RGS22: variants seen among roughly 807,000 people sequenced by gnomAD.
RGS22 encodes the protein regulator of G protein signaling 22, also known as regulator of G-protein signaling 22.
Under a neutral mutation model 172.9 loss-of-function variants are expected in RGS22, and 148 were observed. The observed-to-expected ratio is 0.86, with a 90% confidence interval of 0.75 to 0.98. The LOEUF is 0.98. Ranked by LOEUF, RGS22 falls within the 50% of genes least tolerant of loss-of-function variation. RGS22 has a pLI of 0.00. For synonymous variants in RGS22, 458 were observed against 480.2 expected (o/e 0.95, Z 0.60); for missense variants, 1,347 against 1,440.8 (o/e 0.93, Z 1.05).
intron 22 of RGS22, among the ~76,000 whole-genome samples, chr8:99,979,065 A>G (rs1812270247): frequency 6.6e-6 from 1 of 152,200 alleles, no homozygotes; most frequent in Non-Finnish European, 1.5e-5. Context: ...TGGGAGTGTA[A>G]ATGTAAAATC....
chr8:100,018,705 C>G (rs558445219), intron 14 of RGS22, among the ~76,000 whole-genome samples: 1 of 152,138 alleles, frequency 6.6e-6, no homozygotes, highest in Non-Finnish European at 1.5e-5. Context: ...ATTTAAAATA[C>G]GACATTTCCC....
At position 100,051,601 on chromosome 8, in the gene RGS22, ATTTATATATGTT is replaced by A. The variant is rs1563669770; in HGVS notation, c.1689+1189_1689+1200del. ...TATGTTTATACATATATAAATATAT[ATTTATATATGTT>A]TATACATATATAAATATATATTTAT... is the stretch of plus-strand genomic sequence containing the variant. On this transcript the variant is annotated intron_variant, in intron 10 of 27. Coordinates refer to ENST00000360863, the MANE Select transcript of RGS22 (RefSeq NM_015668.5). Among the ~76,000 whole-genome samples, 271 of 56,218 alleles carry A rather than the reference ATTTATATATGTT, an allele frequency of 4.8e-3. 132 individuals carry two copies. Among genetic ancestry groups the A allele is most frequent in the Non-Finnish European group, 7.3e-3 (243 of 33,516 alleles). The allele number at this position is 56,218 out of a possible 152,430, so 36.9% of individuals were successfully genotyped here.
chr8:100,006,330 T>A (rs984981894), intron 15 of RGS22, among the ~76,000 whole-genome samples: 3 of 152,182 alleles, frequency 2.0e-5, no homozygotes, highest in African/African-American at 7.2e-5. Context: ...CCACCAAAGA[T>A]CATTCCTCCT....
chr8:100,052,889 T>C lies in RGS22; in HGVS notation c.1602A>G (p.Pro534=). The C allele has an allele frequency of 6.2e-7, 1 of 1,614,138 alleles. No individual in the cohort carries two copies. Among genetic ancestry groups the C allele is most frequent in the East Asian group, 2.2e-5 (1 of 44,858 alleles). Residue 534 remains proline (P), a synonymous_variant, in exon 10 of 28, where the codon CCA becomes CCG. Coordinates refer to ENST00000360863, the MANE Select transcript of RGS22 (RefSeq NM_015668.5). ...GTGGAAAAGGGTCAATATCCTTCCT[T>C]GGTTTTGCTTGACGGAGGTGCCAGA... The part of the protein sequence containing the change: ...LKFWHLRQAK[P]RKDIDPFPQM...
chr8:100,048,194 A>G (rs1178226819), intron 10 of RGS22, among the ~76,000 whole-genome samples: 4 of 152,210 alleles, frequency 2.6e-5, no homozygotes, highest in Non-Finnish European at 5.9e-5. Context: ...AAATGTCCAA[A>G]TGGAGAATGG....
chr8:100,100,210 A>C (rs1393310176), intron 2 of RGS22, among the ~76,000 whole-genome samples: 1 of 151,832 alleles, frequency 6.6e-6, no homozygotes, highest in Non-Finnish European at 1.5e-5. Context: ...TCAACTCTAG[A>C]TTTCTTACAA....
intron 7 of RGS22, among the ~76,000 whole-genome samples, chr8:100,064,938 G>A (rs1810433352): frequency 6.6e-6 from 1 of 152,036 alleles, no homozygotes; most frequent in Non-Finnish European, 1.5e-5. Context: ...TACTTATGAA[G>A]GTTTACAAAG....
intron 10 of RGS22, among the ~76,000 whole-genome samples, chr8:100,050,245 T>A (rs919913042): frequency 3.9e-5 from 6 of 152,150 alleles, no homozygotes; most frequent in African/African-American, 1.4e-4. Flanking sequence ...CCTGAGAATC[T>A]TAATAAGTTG....
At chr8:100,103,173 C>A (rs914509969) in intron 2 of RGS22, among the ~76,000 whole-genome samples, 9 of 152,166 alleles carry the variant, frequency 5.9e-5, no homozygotes, top group African/African-American at 2.2e-4. Context: ...GTAGACAGAG[C>A]AAAGGAATAG....
At chr8:99,980,641 G>A (rs938349551) in intron 22 of RGS22, among the ~76,000 whole-genome samples, 2 of 152,118 alleles carry the variant, frequency 1.3e-5, no homozygotes, top group African/African-American at 2.4e-5. Context: ...ATGCTCTAAC[G>A]TCCATATTTA....
At chr8:100,080,416 A>C in intron 3 of RGS22, 61 bp from the exon 4 acceptor site, 2 of 1,242,696 alleles carry the variant, frequency 1.6e-6, no homozygotes, top group South Asian at 1.4e-5. Context: ...ATGGTCTCTA[A>C]GAAGACTTGT....
chr8:100,052,872 G>A lies in RGS22; in HGVS notation c.1619C>T (p.Pro540Leu). The change falls in exon 10 of 28, where the codon CCT becomes CTT. Residue 540 changes from proline to leucine, a missense_variant. Pro to Leu is a moderately conservative substitution (Grantham distance 98). Coordinates refer to ENST00000360863, the MANE Select transcript of RGS22 (RefSeq NM_015668.5). Reference protein sequence around the residue: ...RQAKPRKDIDPFPQMATLLPL... With the variant: ...RQAKPRKDIDLFPQMATLLPL... ...CAAGAGGGTTGCCATTTGTGGAAAA[G>A]GGTCAATATCCTTCCTTGGTTTTGC... is the stretch of plus-strand genomic sequence containing the variant. 6.2e-7 allele frequency: 1 copy of A among 1,614,066 alleles called. No homozygotes were observed. The highest frequency in any genetic ancestry group is 8.5e-7 in the Non-Finnish European group (1 of 1,179,986).
At chr8:100,079,932 T>C (rs1183346634) in intron 4 of RGS22, among the ~76,000 whole-genome samples, 1 of 152,192 alleles carries the variant, frequency 6.6e-6, no homozygotes, top group Non-Finnish European at 1.5e-5. Flanking sequence ...ATTATATGAA[T>C]CTTCTCAAAT....
Position 100,100,928 on chromosome 8 carries a change from G to A in RGS22, c.54+4446C>T, listed in dbSNP as rs143737993. 3.6e-3 allele frequency among the ~76,000 whole-genome samples: 547 copies of A among 152,078 alleles called. 5 individuals are homozygous for A. The highest frequency in any genetic ancestry group is 0.013 in the African/African-American group (523 of 41,494). On this transcript the variant is annotated intron_variant, in intron 2 of 27. Coordinates refer to ENST00000360863, the MANE Select transcript of RGS22 (RefSeq NM_015668.5). ...AAACAGCTTTTAATCCAGTTTTAAC[G>A]TTAATAAAACTGTGGGTTTTCTAAA...
At chr8:100,027,923 T>C (rs940882107) in intron 14 of RGS22, among the ~76,000 whole-genome samples, 3 of 152,210 alleles carry the variant, frequency 2.0e-5, no homozygotes, top group African/African-American at 4.8e-5. Flanking sequence ...GTTTATTCCA[T>C]TGAGTGCTCT....
Position 100,028,485 on chromosome 8 carries a change from C to T in RGS22, c.2166+10446G>A, listed in dbSNP as rs558694511. Among the ~76,000 whole-genome samples, 3 of 150,892 alleles carry T rather than the reference C, an allele frequency of 2.0e-5. No individual in the cohort carries two copies. In the East Asian group the frequency reaches 5.8e-4, roughly 29 times the overall value. ...AAAAAAAAAAAAGGAAAAAAAAAGC[C>T]TTGCTTCTATTGGCCTAGCCTCTTT... is the stretch of plus-strand genomic sequence containing the variant. On this transcript the variant is annotated intron_variant, in intron 14 of 27. Transcript: ENST00000360863.
chr8:100,027,855 T>A (rs1818350826), intron 14 of RGS22, among the ~76,000 whole-genome samples: 1 of 152,164 alleles, frequency 6.6e-6, no homozygotes, highest in African/African-American at 2.4e-5. Flanking sequence ...AATTCCCATT[T>A]TCCTTCCTCA....
rs997868390 is a variant in RGS22, at chr8:99,963,700, T to A, written c.3616-722A>T. Among the ~76,000 whole-genome samples, 5 of 152,322 alleles carry A rather than the reference T, an allele frequency of 3.3e-5. No individual in the cohort carries two copies. In the South Asian group the frequency reaches 1.0e-3, roughly 32 times the overall value. On this transcript the variant is annotated intron_variant, in intron 24 of 27. Coordinates refer to ENST00000360863, the MANE Select transcript of RGS22 (RefSeq NM_015668.5). ...CTTCTGCTATAGTATACTTAGGTAA[T>A]ATATGTAATCTAGAGATGATTCGAA...
intron 2 of RGS22, among the ~76,000 whole-genome samples, chr8:100,095,611 T>C (rs1318050793): frequency 6.6e-6 from 1 of 152,202 alleles, no homozygotes; most frequent in African/African-American, 2.4e-5. Context: ...CAGATATAAA[T>C]ATACTCTGTC....
Sources: gnomAD v4.1 joint callset for allele counts (sites outside exome capture counted in the v4.1 genomes callset) on GRCh38, gnomAD v4.1.1 for gene constraint, MANE v1.5 for transcripts, NCBI Gene and HGNC (gene_info 2026-07-23, HGNC 2026-07-21) for gene names.